Variants in TAB3 observed in about 807,000 individuals in gnomAD.
TAB3 encodes TGF-beta-activated kinase 1 and MAP3K7-binding protein 3.
TAB3 carries 18 observed loss-of-function variants against 48.1 expected under a neutral mutation model. That is an observed-to-expected ratio of 0.37 (90% CI 0.26 to 0.55). The LOEUF is 0.55. Among genes scored for constraint, TAB3 ranks in the 20% least tolerant of loss-of-function variants. The pLI is 0.78. For synonymous variants in TAB3, 185 were observed against 190.2 expected (o/e 0.97, Z 0.22); for missense variants, 414 against 549.8 (o/e 0.75, Z 2.47).
intron 1 of TAB3, among the ~76,000 whole-genome samples, chrX:30,882,524 C>T (rs1940024954): frequency 8.9e-6 from 1 of 111,945 alleles, no homozygotes; most frequent in African/African-American, 3.2e-5. Flanking sequence ...AGGACTCTCT[C>T]CTTTTATTTC....
chrX:30,858,331 G>A lies in TAB3; in HGVS notation c.102+1156C>T, dbSNP rs778143843. ...CATCCTTATTTGGTTTCACTCCGGT[G>A]GGAAGTGTCTTTGCTCTACCAGAAA... On this transcript the variant is annotated intron_variant, in intron 5 of 10. Transcript: ENST00000288422. Among the ~76,000 whole-genome samples, 203 of 111,802 alleles carry A rather than the reference G, an allele frequency of 1.8e-3. 1 individual carries two copies. Among genetic ancestry groups the A allele is most frequent in the Non-Finnish European group, 3.2e-3 (169 of 53,105 alleles).
In TAB3 at chrX:30,872,946, C is replaced by T. The variant is rs188258261; in HGVS notation, c.-382-1145G>A. ...CTAATTAAGCATATAGATCTAATTTCCGGTCCATATGAAGTAAGAGGATAA... is the reference window on the plus strand; with the variant it reads ...CTAATTAAGCATATAGATCTAATTTTCGGTCCATATGAAGTAAGAGGATAA... On this transcript the variant is annotated intron_variant, in intron 1 of 10. Transcript: ENST00000288422. 2.7e-5 allele frequency among the ~76,000 whole-genome samples: 3 copies of T among 111,479 alleles called. No homozygotes were observed. The East Asian group carries it at 8.4e-4, about 31-fold the overall frequency.
intron 1 of TAB3, among the ~76,000 whole-genome samples, chrX:30,884,234 C>A (rs1940069660): frequency 9.0e-6 from 1 of 111,599 alleles, no homozygotes; most frequent in East Asian, 2.8e-4. Flanking sequence ...TCGAAAGTAG[C>A]TAAAGTAATA....
intron 7 of TAB3, among the ~76,000 whole-genome samples, chrX:30,849,827 A>ATCTT (rs923954465): frequency 8.9e-6 from 1 of 112,124 alleles, no homozygotes; most frequent in Non-Finnish European, 1.9e-5. Context: ...CATAAGTATA[A>ATCTT]TCTTATATAT....
chrX:30,859,402 AC>A (rs944246986), intron 5 of TAB3, 84 bp downstream of exon 5: 1 of 696,847 alleles, frequency 1.4e-6, no homozygotes, highest in Non-Finnish European at 2.2e-6. Context: ...AAGAAAACAT[AC>A]CTGGGTTCTA....
rs1337520506 is a variant in TAB3, at chrX:30,827,577, C to T, written c.*3850G>A. The T allele has an allele frequency of 8.9e-6, 1 of 112,606 alleles. No homozygotes were observed. Among genetic ancestry groups the T allele is most frequent in the Non-Finnish European group, 1.9e-5 (1 of 53,281 alleles). 9.3% of individuals were successfully genotyped at this position (112,606 alleles called of 1,213,427 possible). A position where few individuals can be genotyped will look rare whatever the true frequency, so the allele number is the denominator to read the frequency against. The stretch of plus-strand genomic sequence containing the variant: ...CATCTCAAAATGATTTCATTCACAG[C>T]ATACACAGAAATCTAAAAGAGACAT... On this transcript the variant is annotated 3_prime_UTR_variant, in exon 11 of 11. Coordinates refer to ENST00000288422, the MANE Select transcript of TAB3 (RefSeq NM_152787.5).
intron 1 of TAB3, among the ~76,000 whole-genome samples, chrX:30,875,028 T>C (rs971630418): frequency 8.9e-6 from 1 of 111,929 alleles, no homozygotes. Flanking sequence ...TACCATGTTC[T>C]AGAAATGGGG....
In TAB3 at chrX:30,827,683, G is replaced by C. The variant is rs2147315820; in HGVS notation, c.*3744C>G. 1 of 112,085 alleles carries C rather than the reference G, an allele frequency of 8.9e-6. No homozygotes were observed. The highest frequency in any genetic ancestry group is 3.2e-5 in the African/African-American group (1 of 30,838). 9.2% of individuals were successfully genotyped at this position (112,085 alleles called of 1,213,427 possible). ...CTTTTACAGTAGGGAAAGAAACATG[G>C]ACATTGGGTATCATAAATAATTCAG... On this transcript the variant is annotated 3_prime_UTR_variant, in exon 11 of 11. Coordinates refer to ENST00000288422, the MANE Select transcript of TAB3 (RefSeq NM_152787.5).
chrX:30,830,911 T>TCCC lies in TAB3; in HGVS notation c.*515_*516insGGG, dbSNP rs1186906607. The TCCC allele has an allele frequency of 7.1e-4, 20 of 28,162 alleles. No individual in the cohort carries two copies. Among genetic ancestry groups the TCCC allele is most frequent in the Non-Finnish European group, 1.1e-3 (14 of 12,662 alleles). The allele number at this position is 28,162 out of a possible 1,213,427, so 2.3% of individuals were successfully genotyped here. A position where few individuals can be genotyped will look rare whatever the true frequency, so the allele number is the denominator to read the frequency against. ...CAATTACAAATACCCTTAATTAATT[T>TCCC]GCCCCCCCCCCCCAAATATTCTAGG... On this transcript the variant is annotated 3_prime_UTR_variant, in exon 11 of 11. Coordinates refer to ENST00000288422, the MANE Select transcript of TAB3 (RefSeq NM_152787.5).
chrX:30,848,197 A>G (rs943054623), intron 7 of TAB3, among the ~76,000 whole-genome samples: 21 of 111,483 alleles, frequency 1.9e-4, no homozygotes, highest in Admixed American at 1.7e-3. Flanking sequence ...AAAACAGTGA[A>G]GCAGCCACCA....
intron 2 of TAB3, among the ~76,000 whole-genome samples, chrX:30,870,473 G>T (rs1444151440): frequency 8.9e-6 from 1 of 112,009 alleles, no homozygotes; most frequent in Admixed American, 9.5e-5. Flanking sequence ...GAGAAACACT[G>T]GCAGTTATAA....
chrX:30,866,947 A>G (rs966539405), intron 4 of TAB3, among the ~76,000 whole-genome samples, 168 bp downstream of exon 4: 2 of 110,754 alleles, frequency 1.8e-5, no homozygotes, highest in South Asian at 7.8e-4. Flanking sequence ...CAAGGTCAAC[A>G]TCAACAGTGA....
In TAB3 at chrX:30,832,273, C is replaced by T. The variant is rs1022645878; in HGVS notation, c.1991-698G>A. 6.3e-5 allele frequency among the ~76,000 whole-genome samples: 7 copies of T among 111,742 alleles called. 1 individual carries two copies. The highest frequency in any genetic ancestry group is 9.5e-5 in the Admixed American group (1 of 10,499). ...CATACCTGGCAACCTTATGTTGGTCCCCAGGATTTGAAAAAGATATCCAAA... is the reference window on the plus strand; with the variant it reads ...CATACCTGGCAACCTTATGTTGGTCTCCAGGATTTGAAAAAGATATCCAAA... On this transcript the variant is annotated intron_variant, in intron 10 of 10. Transcript: ENST00000288422.
intron 7 of TAB3, 151 bp from the exon 8 acceptor site, chrX:30,846,795 A>G: frequency 5.3e-6 from 2 of 378,022 alleles, no homozygotes; most frequent in East Asian, 4.1e-5. Context: ...AGTCCTATGT[A>G]TATGTTTTTA....
chrX:30,833,215 T>C (rs941625632), intron 10 of TAB3, among the ~76,000 whole-genome samples: 8 of 109,597 alleles, frequency 7.3e-5, no homozygotes, highest in East Asian at 2.9e-4. Context: ...GTGATCCGCC[T>C]GCCTCGGCCT....
intron 2 of TAB3, among the ~76,000 whole-genome samples, chrX:30,869,838 G>A (rs1056235176): frequency 6.2e-5 from 7 of 112,193 alleles, no homozygotes; most frequent in African/African-American, 1.6e-4. Context: ...AATGTACTAC[G>A]TGATGACTAT....
chrX:30,853,963 C>T (rs1456119724), intron 6 of TAB3, among the ~76,000 whole-genome samples, 153 bp downstream of exon 6: 2 of 112,674 alleles, frequency 1.8e-5, no homozygotes, highest in Admixed American at 9.4e-5. Context: ...GCGTGAGCCA[C>T]CGCACCCGGC....
At chrX:30,847,697 C>A (rs945033038) in intron 7 of TAB3, among the ~76,000 whole-genome samples, 1 of 110,914 alleles carries the variant, frequency 9.0e-6, no homozygotes, top group African/African-American at 3.3e-5. Context: ...AAAACATGTA[C>A]TTTGCTAAAC....
intron 8 of TAB3, chrX:30,846,032 G>A (rs1462728856): frequency 6.9e-6 from 7 of 1,013,964 alleles, no homozygotes; most frequent in Non-Finnish European, 7.8e-6. Flanking sequence ...GGTGAGTTGG[G>A]TAAATGAAAG....
Sources: allele counts gnomAD v4.1 joint callset (sites outside exome capture counted in the v4.1 genomes callset), GRCh38; gene constraint gnomAD v4.1.1; transcripts MANE v1.5; gene names NCBI Gene and HGNC (gene_info 2026-07-23, HGNC 2026-07-21).